Variants in RNASEH2B observed in about 807,000 individuals in gnomAD.
The protein encoded by RNASEH2B is ribonuclease H2 subunit B.
Under a neutral mutation model 45.0 loss-of-function variants are expected in RNASEH2B, and 36 were observed. The observed-to-expected ratio is 0.80, with a 90% confidence interval of 0.61 to 1.06. The LOEUF (loss-of-function observed/expected upper bound fraction) is 1.06. Among genes scored for constraint, RNASEH2B ranks in the 50% least tolerant of loss-of-function variants. The pLI, the probability that RNASEH2B is intolerant of heterozygous loss-of-function variation, is 0.00. For synonymous variants in RNASEH2B, 119 were observed against 125.7 expected (o/e 0.95, Z 0.35); for missense variants, 361 against 360.3 (o/e 1.00, Z -0.02).
At chr13:50,916,410 A>G (rs899389879) in intron 1 of RNASEH2B, among the ~76,000 whole-genome samples, 8 of 152,198 alleles carry the variant, frequency 5.3e-5, no homozygotes, top group Non-Finnish European at 1.0e-4. Flanking sequence ...TTTGATAAGG[A>G]CAGAAACTCA....
intron 1 of RNASEH2B, 39 bp downstream of exon 1, chr13:50,910,179 A>G (rs1730942089): frequency 2.2e-6 from 3 of 1,365,830 alleles, no homozygotes; most frequent in East Asian, 3.2e-5. Flanking sequence ...CGGCCCAAGA[A>G]CTGGCGGAGC....
In RNASEH2B at chr13:50,945,470, T is replaced by G. The variant is rs74555752; in HGVS notation, c.554T>G (p.Val185Gly). The change falls in exon 7 of 11, where the codon GTC becomes GGC. Residue 185 changes from valine to glycine, a missense_variant. Physicochemically the swap from Val to Gly is moderately radical, Grantham distance 109. Transcript: ENST00000336617. ...GCATTAAAAACCAATAATGTGAATG[T>G]CAGTTCCCGGGTACAGTCAACTGCA... ...VAALKTNNVN[V>G]SSRVQSTAFF... 3.1e-6 allele frequency: 5 copies of G among 1,613,820 alleles called. No individual in the cohort carries two copies. The highest frequency in any genetic ancestry group is 4.2e-6 in the Non-Finnish European group (5 of 1,179,722).
At chr13:50,938,468 A>G (rs1157529617) in intron 5 of RNASEH2B, 6 of 151,490 alleles carry the variant, frequency 4.0e-5, no homozygotes, top group African/African-American at 1.5e-4. Flanking sequence ...TTATATGACT[A>G]TGTAAAGCAG....
rs547058128 is a variant in RNASEH2B at position 50,916,495 on chromosome 13, T to C, written c.64+6355T>C. 1.9e-4 allele frequency among the ~76,000 whole-genome samples: 29 copies of C among 152,348 alleles called. No homozygotes were observed. In the South Asian group the frequency reaches 5.8e-3, roughly 30 times the overall value. ...GAACATTGAAGAGGTGTAATACTTA[T>C]TGCTTCAGACAGTAGACAGTACATA... On this transcript the variant is annotated intron_variant, in intron 1 of 10. Transcript: ENST00000336617.
intron 9 of RNASEH2B, 189 bp from the exon 10 acceptor site, chr13:50,953,715 TG>T: frequency 3.3e-6 from 2 of 609,442 alleles, no homozygotes; most frequent in Non-Finnish European, 2.9e-6. Flanking sequence ...TTCTTAGGAG[TG>T]ATGTGTGGCT....
intron 1 of RNASEH2B, among the ~76,000 whole-genome samples, chr13:50,916,386 T>A (rs1593446360): frequency 6.6e-6 from 1 of 152,188 alleles, no homozygotes; most frequent in African/African-American, 2.4e-5. Context: ...AGGGGCTGTT[T>A]TTTTCCTCTT....
intron 5 of RNASEH2B, chr13:50,939,225 T>A (rs186507501): frequency 3.3e-5 from 5 of 152,364 alleles, no homozygotes; most frequent in Admixed American, 1.3e-4. Flanking sequence ...GGTGTGGTGG[T>A]GGGCACCTGT....
At chr13:50,955,640 G>A (rs1206675190) in intron 10 of RNASEH2B, 3 of 152,220 alleles carry the variant, frequency 2.0e-5, no homozygotes, top group African/African-American at 7.2e-5. Context: ...CAGGGAGACA[G>A]GTGATTTTTT....
chr13:50,949,436 TTTGA>T (rs1394706360), intron 8 of RNASEH2B, 23 bp from the exon 9 acceptor site: 2 of 1,610,824 alleles, frequency 1.2e-6, no homozygotes, highest in South Asian at 1.1e-5. Flanking sequence ...AAACGATGAC[TTTGA>T]TTGTTATTTT....
At position 50,910,099 on chromosome 13, in the gene RNASEH2B, G is replaced by A; in HGVS notation, c.23G>A (p.Gly8Glu). The A allele has an allele frequency of 6.8e-7, 1 of 1,463,660 alleles. No individual in the cohort carries two copies. Among genetic ancestry groups the A allele is most frequent in the African/African-American group, 1.5e-5 (1 of 67,644 alleles). The allele number at this position is 1,463,660 out of a possible 1,614,324, so 90.7% of individuals were successfully genotyped here. A position where few individuals can be genotyped will look rare whatever the true frequency, so the allele number is the denominator to read the frequency against. Residue 8 changes from glycine to glutamate, a missense_variant, in exon 1 of 11, where the codon GGG (glycine) becomes GAG (glutamate). By Grantham distance (98) the Gly-to-Glu change is moderately conservative (BLOSUM62 -2). Transcript: ENST00000336617. MAAGVDC[G>E]DGVGARQHVF... ...GGCATGGCCGCTGGCGTGGACTGCG[G>A]GGACGGGGTTGGCGCCCGGCAGCAC...
intron 5 of RNASEH2B, 198 bp from the exon 6 acceptor site, chr13:50,943,123 G>T: frequency 1.9e-6 from 1 of 513,714 alleles, no homozygotes. Flanking sequence ...TCATTTAGTG[G>T]TTGATGACTC....
At chr13:50,910,269 G>A (rs1484246371) in intron 1 of RNASEH2B, 129 bp downstream of exon 1, 2 of 578,416 alleles carry the variant, frequency 3.5e-6, no homozygotes, top group Non-Finnish European at 5.4e-6. Flanking sequence ...ATTCTCTCTG[G>A]GACAGCTGGC....
At chr13:50,957,618 A>G (rs1010629957), downstream of RNASEH2B, among the ~76,000 whole-genome samples, 3 of 152,098 alleles carry the variant, frequency 2.0e-5, no homozygotes, top group African/African-American at 7.2e-5. Context: ...TACATAGCCA[A>G]TAGTGGCCAA....
At chr13:50,914,461 T>C (rs1270334128) in intron 1 of RNASEH2B, among the ~76,000 whole-genome samples, 1 of 152,246 alleles carries the variant, frequency 6.6e-6, no homozygotes, top group East Asian at 1.9e-4. Context: ...GATGTGTCAT[T>C]TACCGAATAG....
At position 50,930,667 on chromosome 13, in the gene RNASEH2B, T is replaced by G; in HGVS notation, c.245-16T>G. 1 of 1,591,320 alleles carries G rather than the reference T, an allele frequency of 6.3e-7. No individual in the cohort carries two copies. Among genetic ancestry groups the G allele is most frequent in the Non-Finnish European group, 8.6e-7 (1 of 1,159,470 alleles). The stretch of plus-strand genomic sequence containing the variant: ...CCAAGACGTTTAATTCCCTTCATCC[T>G]TTTTGTAATCTGCAGGAGGTCTTCT... On this transcript the variant is annotated splice_polypyrimidine_tract_variant and intron_variant, in intron 3 of 10. Coordinates refer to ENST00000336617, the MANE Select transcript of RNASEH2B (RefSeq NM_024570.4).
At chr13:50,941,487 G>A (rs1480031264) in intron 5 of RNASEH2B, 1 of 152,236 alleles carries the variant, frequency 6.6e-6, no homozygotes, top group Non-Finnish European at 1.5e-5. Context: ...CATTCTTTGA[G>A]AAAATTTGGA....
intron 1 of RNASEH2B, among the ~76,000 whole-genome samples, chr13:50,919,256 A>G (rs1237819813): frequency 6.6e-6 from 1 of 152,250 alleles, no homozygotes; most frequent in Non-Finnish European, 1.5e-5. Flanking sequence ...CCTGTACTAT[A>G]TAGTCTGTAG....
At chr13:50,910,344 C>T in intron 1 of RNASEH2B, 2 of 406,738 alleles carry the variant, frequency 4.9e-6, no homozygotes, top group Non-Finnish European at 8.6e-6. Flanking sequence ...CGAAAAGGAC[C>T]GAGCGTGTTT....
chr13:50,943,255 A>G (rs1047246863), intron 5 of RNASEH2B, 66 bp from the exon 6 acceptor site: 1 of 922,192 alleles, frequency 1.1e-6, no homozygotes, highest in Non-Finnish European at 1.7e-6. Context: ...TAACTTGTAT[A>G]TGATACAACC....
Sources: gnomAD v4.1 joint callset for allele counts (sites outside exome capture counted in the v4.1 genomes callset) on GRCh38, gnomAD v4.1.1 for gene constraint, MANE v1.5 for transcripts, NCBI Gene and HGNC (gene_info 2026-07-23, HGNC 2026-07-21) for gene names.